FAM178B: variants seen among roughly 807,000 people sequenced by gnomAD.
The protein encoded by FAM178B is family with sequence similarity 178 member B.
FAM178B carries 82 observed loss-of-function variants against 91.7 expected under a neutral mutation model. The observed-to-expected ratio is 0.89, with a 90% CI of 0.75 to 1.07. FAM178B has a LOEUF of 1.07. FAM178B is among the 50% of genes least tolerant of loss of function. The probability of loss-of-function intolerance (pLI) is 0.00; values close to 1 mark genes in which losing one functional copy is unlikely to be tolerated. For missense variants in FAM178B, 769 were observed against 846.7 expected (o/e 0.91, Z 1.14); for synonymous variants, 368 against 359.4 (o/e 1.02, Z -0.27).
At chr2:96,911,061 C>A (rs1404201678) in intron 12 of FAM178B, among the ~76,000 whole-genome samples, 1 of 152,166 alleles carries the variant, frequency 6.6e-6, no homozygotes, top group Non-Finnish European at 1.5e-5. Context: ...AGCCACCGTG[C>A]CTGGCCCTAG....
At chr2:96,890,439 G>T (rs571278355) in intron 14 of FAM178B, among the ~76,000 whole-genome samples, 1 of 152,316 alleles carries the variant, frequency 6.6e-6, no homozygotes, top group East Asian at 1.9e-4. Flanking sequence ...ATTCCAGCCT[G>T]AGCAATAGAG....
chr2:96,983,004 G>A (rs958196425), intron 1 of FAM178B, among the ~76,000 whole-genome samples: 4 of 151,364 alleles, frequency 2.6e-5, no homozygotes, highest in African/African-American at 7.3e-5. Flanking sequence ...TCAGCCTCCC[G>A]AGTAGCTAGG....
In FAM178B at chr2:96,927,721, C is replaced by T. The variant is rs542310268; in HGVS notation, c.1193+1485G>A. 2.5e-4 allele frequency among the ~76,000 whole-genome samples: 38 copies of T among 152,296 alleles called. No individual in the cohort carries two copies. In the East Asian group the frequency reaches 3.1e-3, roughly 12 times the overall value. On this transcript the variant is annotated intron_variant, in intron 9 of 16. Coordinates refer to ENST00000490605, the MANE Select transcript of FAM178B (RefSeq NM_001122646.3). ...AGCCGCAGTCAAATCCTGGGAGAAC[C>T]GGGAGGCAGTGGGGGAAGCAGCTCT...
chr2:96,912,406 A>G (rs551118435), intron 12 of FAM178B, among the ~76,000 whole-genome samples: 16 of 151,910 alleles, frequency 1.1e-4, no homozygotes, highest in Non-Finnish European at 2.4e-4. Context: ...GTGTCACAGT[A>G]AGGGCTAGGG....
intron 8 of FAM178B, among the ~76,000 whole-genome samples, chr2:96,935,074 C>T (rs868177148): frequency 6.6e-6 from 1 of 152,188 alleles, no homozygotes; most frequent in Non-Finnish European, 1.5e-5. Context: ...CCCCGGTATG[C>T]GTGACAGAGC....
intron 1 of FAM178B, among the ~76,000 whole-genome samples, chr2:96,979,617 T>C (rs570944730): frequency 1.3e-5 from 2 of 152,306 alleles, no homozygotes; most frequent in African/African-American, 4.8e-5. Flanking sequence ...CGTTTTGATA[T>C]AACAATTTAT....
intron 9 of FAM178B, among the ~76,000 whole-genome samples, chr2:96,928,425 C>A (rs1024126130): frequency 2.0e-5 from 3 of 152,208 alleles, no homozygotes; most frequent in African/African-American, 7.2e-5. Context: ...TCCCCACAGG[C>A]AGGGACCAGG....
intron 9 of FAM178B, 54 bp from the exon 10 acceptor site, chr2:96,923,637 C>A: frequency 7.0e-7 from 1 of 1,418,630 alleles, no homozygotes. Flanking sequence ...GGCACAGGGG[C>A]AGGAGTGAGG....
intron 6 of FAM178B, among the ~76,000 whole-genome samples, chr2:96,955,814 C>T (rs2081991834): frequency 6.6e-6 from 1 of 152,214 alleles, no homozygotes. Context: ...TCAGCCCTCT[C>T]CATACTTCAG....
In FAM178B at chr2:96,960,314, G is replaced by C; in HGVS notation, c.861C>G (p.Arg287=). ...CILDSSLLKP[R]SHLEGLFLSS... ...TGAGGAACAGCCCTTCCAGGTGGCT[G>C]CGTGGCTTCAGGAGTGAGGAGTCCA... Residue 287 remains arginine, a synonymous_variant, in exon 6 of 17, where the codon CGC becomes CGG. Transcript: ENST00000490605. 1.9e-6 allele frequency: 3 copies of C among 1,551,770 alleles called. No individual in the cohort carries two copies. In the South Asian group the frequency reaches 3.6e-5, roughly 18 times the overall value.
intron 12 of FAM178B, among the ~76,000 whole-genome samples, chr2:96,911,178 T>C (rs2081150476): frequency 6.6e-6 from 1 of 152,182 alleles, no homozygotes; most frequent in Non-Finnish European, 1.5e-5. Flanking sequence ...TGCCAGGCTC[T>C]GTGGACTCAG....
At chr2:96,936,436 T>C (rs868103811) in intron 8 of FAM178B, among the ~76,000 whole-genome samples, 11 of 151,420 alleles carry the variant, frequency 7.3e-5, no homozygotes, top group South Asian at 4.2e-4. Flanking sequence ...CTCCCGACCT[T>C]GTGATCTGCC....
intron 14 of FAM178B, among the ~76,000 whole-genome samples, chr2:96,885,909 G>A (rs1030935778): frequency 3.9e-5 from 6 of 152,238 alleles, no homozygotes; most frequent in Non-Finnish European, 7.3e-5. Flanking sequence ...GTCAGTGTGC[G>A]TGTGAGCGTG....
chr2:96,980,650 A>C (rs1387498349), intron 1 of FAM178B, among the ~76,000 whole-genome samples: 7 of 152,112 alleles, frequency 4.6e-5, no homozygotes, highest in African/African-American at 1.4e-4. Context: ...TGATCCTCCC[A>C]CCCTGGCCTC....
intron 8 of FAM178B, among the ~76,000 whole-genome samples, chr2:96,931,498 ATG>A (rs1559080891): frequency 6.6e-6 from 1 of 152,206 alleles, no homozygotes; most frequent in East Asian, 1.9e-4. Context: ...TGGAATGGGA[ATG>A]TCTCTTTTCT....
In FAM178B at chr2:96,951,311, C is replaced by T. The variant is rs1574293580; in HGVS notation, c.993+68G>A. ...AAGAGGTGAAGTGCCCACCCCTCAGCCTGTGGGCCTGCCGGGCCACCAGAC... is the reference window on the plus strand; with the variant it reads ...AAGAGGTGAAGTGCCCACCCCTCAGTCTGTGGGCCTGCCGGGCCACCAGAC... On this transcript the variant is annotated intron_variant, in intron 7 of 16. Transcript: ENST00000490605. The T allele has an allele frequency of 4.3e-6, 5 of 1,150,564 alleles. No individual in the cohort carries two copies. In the East Asian group the frequency reaches 1.0e-4, roughly 24 times the overall value. 71.3% of individuals were successfully genotyped at this position (1,150,564 alleles called of 1,614,324 possible).
chr2:96,947,643 G>T (rs2081852104), intron 8 of FAM178B, among the ~76,000 whole-genome samples, 175 bp downstream of exon 8: 1 of 152,210 alleles, frequency 6.6e-6, no homozygotes, highest in Non-Finnish European at 1.5e-5. Context: ...GAGCCTGTTG[G>T]TTCAGCTTTT....
chr2:96,941,807 G>A (rs7593754), intron 8 of FAM178B, among the ~76,000 whole-genome samples: 27,767 of 152,228 alleles, frequency 0.18, 4,162 homozygotes, highest in African/African-American at 0.41. Context: ...TTTCTAAAGC[G>A]TTTTGATCTC....
intron 8 of FAM178B, among the ~76,000 whole-genome samples, chr2:96,946,883 G>A (rs566019516): frequency 6.6e-6 from 1 of 152,354 alleles, no homozygotes; most frequent in Admixed American, 6.5e-5. Flanking sequence ...TGGAGGGCAG[G>A]GGCGGAGGAG....
Sources: allele counts gnomAD v4.1 joint callset (sites outside exome capture counted in the v4.1 genomes callset), GRCh38; gene constraint gnomAD v4.1.1; transcripts MANE v1.5; gene names NCBI Gene and HGNC (gene_info 2026-07-23, HGNC 2026-07-21).